The following RCHY1 variants were observed in gnomAD, a reference collection of about 807,000 sequenced individuals.
RCHY1 encodes the protein RING finger and CHY zinc finger domain-containing protein 1.
In RCHY1, 21 loss-of-function variants were observed where a neutral mutation model predicts 41.6. That is an observed-to-expected ratio of 0.51 (90% confidence interval 0.36 to 0.73). The LOEUF is 0.73. Among genes scored for constraint, RCHY1 ranks in the 30% least tolerant of loss-of-function variants. The probability of loss-of-function intolerance (pLI) is 0.00; values close to 1 mark genes in which losing one functional copy is unlikely to be tolerated. For missense variants in RCHY1, 265 were observed against 325.3 expected (o/e 0.81, Z 1.43); for synonymous variants, 79 against 102.9 (o/e 0.77, Z 1.41).
At chr4:75,493,658 G>A (rs1722942322) in intron 4 of RCHY1, among the ~76,000 whole-genome samples, 1 of 151,426 alleles carries the variant, frequency 6.6e-6, no homozygotes, top group South Asian at 2.1e-4. Flanking sequence ...AATGAAAAAG[G>A]GCCTGGGATT....
chr4:75,509,492 A>C, intron 1 of RCHY1, 196 bp from the exon 2 acceptor site: 1 of 520,446 alleles, frequency 1.9e-6, no homozygotes, highest in East Asian at 3.0e-5. Context: ...TCCCTTCAAC[A>C]TCACTACGTC....
chr4:75,514,434 G>A (rs891417245), upstream of RCHY1: 1 of 884,098 alleles, frequency 1.1e-6, no homozygotes, highest in Non-Finnish European at 1.6e-6. Flanking sequence ...GGGGCAGACG[G>A]ATTTCCGGTT....
rs112902827 is a variant in RCHY1 at position 75,485,740 on chromosome 4, T to A, written c.658-3074A>T. On this transcript the variant is annotated intron_variant, in intron 8 of 8. Transcript: ENST00000324439. ...TTAATTGGTAAACTGATAGTCTGAA[T>A]GGTGAATAGAAAAACTATTTAAAAG... 7.9e-5 allele frequency among the ~76,000 whole-genome samples: 12 copies of A among 152,336 alleles called. 1 individual carries two copies. The highest frequency in any genetic ancestry group is 2.6e-4 in the African/African-American group (11 of 41,584).
rs145565985 is a variant in RCHY1, at chr4:75,498,580, TAA to T, written c.327-4403_327-4402del. On this transcript the variant is annotated intron_variant, in intron 3 of 8. Coordinates refer to ENST00000324439, the MANE Select transcript of RCHY1 (RefSeq NM_015436.4). ...TAATCAAATCAGCATGGTACTGGCA[TAA>T]AAAGAGACAAGTAGACCAATTATGC... 6.1e-3 allele frequency among the ~76,000 whole-genome samples: 909 copies of T among 150,158 alleles called. 12 individuals carry two copies. Among genetic ancestry groups the T allele is most frequent in the African/African-American group, 0.021 (870 of 40,894 alleles).
Position 75,497,578 on chromosome 4 carries a change from A to G in RCHY1, c.327-3399T>C, listed in dbSNP as rs796180163. On this transcript the variant is annotated intron_variant, in intron 3 of 8. Coordinates refer to ENST00000324439, the MANE Select transcript of RCHY1 (RefSeq NM_015436.4). ...CACCTTGCAAATCGTTCTTTGCTCA[A>G]TTAAACTCTGTTAAGTTTAATTTAA... Among the ~76,000 whole-genome samples the G allele has an allele frequency of 1.4e-4, 21 of 152,138 alleles. 1 individual carries two copies. The highest frequency in any genetic ancestry group is 4.6e-4 in the African/African-American group (19 of 41,474).
chr4:75,485,018 A>G lies in RCHY1; in HGVS notation c.658-2352T>C, dbSNP rs180806892. Among the ~76,000 whole-genome samples the G allele has an allele frequency of 1.6e-3, 241 of 152,352 alleles. 1 individual carries two copies. Among genetic ancestry groups the G allele is most frequent in the African/African-American group, 5.5e-3 (229 of 41,580 alleles). On this transcript the variant is annotated intron_variant, in intron 8 of 8. Coordinates refer to ENST00000324439, the MANE Select transcript of RCHY1 (RefSeq NM_015436.4). ...TAAAAGGCAAATAAAAAGCTTAACT[A>G]ACTGATAAGACAAATTAAATCTACT...
At chr4:75,503,923 CAG>C (rs1382268970) in intron 3 of RCHY1, among the ~76,000 whole-genome samples, 1 of 152,024 alleles carries the variant, frequency 6.6e-6, no homozygotes, top group African/African-American at 2.4e-5. Flanking sequence ...TAAAAGGAAA[CAG>C]ATGATGTAAA....
chr4:75,483,879 C>T (rs1352312544), intron 8 of RCHY1, among the ~76,000 whole-genome samples: 1 of 152,020 alleles, frequency 6.6e-6, no homozygotes, highest in Non-Finnish European at 1.5e-5. Context: ...CTAGGCTTTC[C>T]CATTCTAATC....
At chr4:75,508,667 G>A (rs1198169989) in intron 3 of RCHY1, among the ~76,000 whole-genome samples, 153 bp downstream of exon 3, 2 of 152,086 alleles carry the variant, frequency 1.3e-5, no homozygotes. Flanking sequence ...GATAGTAAAA[G>A]AGATACCGGT....
intron 3 of RCHY1, among the ~76,000 whole-genome samples, chr4:75,500,419 A>T (rs1336195689): frequency 6.6e-6 from 1 of 152,184 alleles, no homozygotes; most frequent in Non-Finnish European, 1.5e-5. Flanking sequence ...ATTACCAAAA[A>T]ATTAAGACCA....
rs556134788 is a variant in RCHY1, at chr4:75,489,393, A to G, written c.657+1188T>C. 4.6e-5 allele frequency among the ~76,000 whole-genome samples: 7 copies of G among 152,338 alleles called. No homozygotes were observed. In the East Asian group the frequency reaches 1.3e-3, roughly 29 times the overall value. On this transcript the variant is annotated intron_variant, in intron 8 of 8. Coordinates refer to ENST00000324439, the MANE Select transcript of RCHY1 (RefSeq NM_015436.4). ...CTATTACAGTACCTAAAAGGTTATT[A>G]TAAAATGTGTTTCTCTCATGGGACA...
At chr4:75,511,482 A>G (rs1724871503) in intron 1 of RCHY1, among the ~76,000 whole-genome samples, 1 of 152,220 alleles carries the variant, frequency 6.6e-6, no homozygotes, top group South Asian at 2.1e-4. Flanking sequence ...CAAGTAAAAA[A>G]TGCTGTTCCA....
rs1721370344 is a variant in RCHY1 at position 75,479,613 on chromosome 4, A to C, written c.*2925T>G. 6.6e-6 allele frequency: 1 copy of C among 152,162 alleles called. No homozygotes were observed. The highest frequency in any genetic ancestry group is 2.1e-4 in the South Asian group (1 of 4,830). 9.4% of individuals were successfully genotyped at this position (152,162 alleles called of 1,614,324 possible). A position where few individuals can be genotyped will look rare whatever the true frequency, so the allele number is the denominator to read the frequency against. On this transcript the variant is annotated 3_prime_UTR_variant, in exon 9 of 9. Transcript: ENST00000324439. ...CTGGTTAAGAAGACCCCAGAAACTA[A>C]GAAATGAACAACTTGATATACACTC...
In RCHY1 at chr4:75,481,468, T is replaced by G; in HGVS notation, c.*1070A>C. The G allele has an allele frequency of 6.6e-6, 1 of 152,208 alleles. No individual in the cohort carries two copies. The highest frequency in any genetic ancestry group is 1.5e-5 in the Non-Finnish European group (1 of 68,034). The allele number at this position is 152,208 out of a possible 1,614,324, so 9.4% of individuals were successfully genotyped here. On this transcript the variant is annotated 3_prime_UTR_variant, in exon 9 of 9. Coordinates refer to ENST00000324439, the MANE Select transcript of RCHY1 (RefSeq NM_015436.4). ...TTGTTCCTGAAGTAAGAGGTATATT[T>G]AATTCCACTACATGAGCCCAAAAAA...
chr4:75,491,654 G>A lies in RCHY1; in HGVS notation c.510-17C>T, dbSNP rs756955843. The A allele has an allele frequency of 1.6e-5, 25 of 1,597,304 alleles. No homozygotes were observed. Among genetic ancestry groups the A allele is most frequent in the Non-Finnish European group, 2.1e-5 (25 of 1,166,194 alleles). Reference sequence around the variant, plus strand: ...TAACACGTTCTGAAAGAAAATATAAGATTATTTTAGTAAAACAAAAACTGT... The same window carrying A: ...TAACACGTTCTGAAAGAAAATATAAAATTATTTTAGTAAAACAAAAACTGT... On this transcript the variant is annotated splice_polypyrimidine_tract_variant and intron_variant, in intron 6 of 8. Coordinates refer to ENST00000324439, the MANE Select transcript of RCHY1 (RefSeq NM_015436.4).
At chr4:75,494,286 C>T (rs1157105465) in intron 3 of RCHY1, 107 bp from the exon 4 acceptor site, 4 of 734,032 alleles carry the variant, frequency 5.4e-6, no homozygotes, top group Non-Finnish European at 9.1e-6. Flanking sequence ...AATTTCCAGC[C>T]ACAATGGAGA....
chr4:75,482,518 T>C lies in RCHY1; in HGVS notation c.*20A>G, dbSNP rs747147040. On this transcript the variant is annotated 3_prime_UTR_variant, in exon 9 of 9. Transcript: ENST00000324439. ...TTCTATATCAGAAAATGCCAAGTTC[T>C]CCAGTACTGTGTAGGCTCGTCATTG... The C allele has an allele frequency of 5.1e-6, 8 of 1,583,204 alleles. No individual in the cohort carries two copies. The highest frequency in any genetic ancestry group is 6.0e-6 in the Non-Finnish European group (7 of 1,166,208).
chr4:75,491,635 G>C lies in RCHY1; in HGVS notation c.512C>G (p.Thr171Arg), dbSNP rs758856687. ...VLPCGHLLHR[T>R]CYEEMLKEGY... ...CTCTTTCAACATTTCTTCATAACAC[G>C]TTCTGAAAGAAAATATAAGATTATT... Residue 171 changes from threonine to arginine, a missense_variant and splice_region_variant, in exon 7 of 9, where the codon ACG (threonine) becomes AGG (arginine). Transcript: ENST00000324439. The C allele has an allele frequency of 1.3e-6, 2 of 1,599,144 alleles. No individual in the cohort carries two copies. The highest frequency in any genetic ancestry group is 8.6e-7 in the Non-Finnish European group (1 of 1,167,856).
chr4:75,506,118 G>C (rs1262743032), intron 3 of RCHY1, among the ~76,000 whole-genome samples: 1 of 97,924 alleles, frequency 1.0e-5, no homozygotes, highest in Non-Finnish European at 2.2e-5. Flanking sequence ...AAAAAAAATA[G>C]AACAGGACAT....
Sources: allele counts gnomAD v4.1 joint callset (sites outside exome capture counted in the v4.1 genomes callset), GRCh38; gene constraint gnomAD v4.1.1; transcripts MANE v1.5; gene names NCBI Gene and HGNC (gene_info 2026-07-23, HGNC 2026-07-21).